KIF26B: variants seen among roughly 807,000 people sequenced by gnomAD.
The protein encoded by KIF26B is kinesin-like protein KIF26B.
A neutral mutation model predicts 151.2 loss-of-function variants in KIF26B; 63 were observed. The observed-to-expected ratio is 0.42, with a 90% CI of 0.34 to 0.51. The LOEUF (loss-of-function observed/expected upper bound fraction) is 0.51, where lower values mean the gene tolerates loss of function less well. Among genes scored for constraint, KIF26B ranks in the 20% least tolerant of loss-of-function variants. The pLI, the probability that KIF26B is intolerant of heterozygous loss-of-function variation, is 0.07. For synonymous variants in KIF26B, 1,357 were observed against 1,262.1 expected (o/e 1.08, Z -1.59); for missense variants, 2,813 against 2,913.6 (o/e 0.97, Z 0.79).
chr1:245,605,799 G>T (rs150621280), intron 6 of KIF26B, among the ~76,000 whole-genome samples: 1 of 152,268 alleles, frequency 6.6e-6, no homozygotes, highest in African/African-American at 2.4e-5. Flanking sequence ...GGAGAGCCGG[G>T]TGGGAACTGT....
chr1:245,175,047 C>T (rs568378488), intron 2 of KIF26B, among the ~76,000 whole-genome samples: 2 of 152,256 alleles, frequency 1.3e-5, no homozygotes, highest in African/African-American at 4.8e-5. Context: ...GGAGTTTCTC[C>T]TGGGGGCCCA....
At chr1:245,630,602 G>C (rs1030068213) in intron 9 of KIF26B, among the ~76,000 whole-genome samples, 10 of 152,174 alleles carry the variant, frequency 6.6e-5, no homozygotes, top group African/African-American at 2.4e-4. Context: ...GGAAAGGGGA[G>C]TGAGAGCATT....
chr1:245,184,445 C>T (rs965031097), intron 2 of KIF26B, among the ~76,000 whole-genome samples: 3 of 152,006 alleles, frequency 2.0e-5, no homozygotes, highest in African/African-American at 4.8e-5. Context: ...TACACATGTG[C>T]GTCGTCATCT....
chr1:245,402,392 G>A (rs1252047935), intron 3 of KIF26B, among the ~76,000 whole-genome samples: 1 of 152,180 alleles, frequency 6.6e-6, no homozygotes, highest in African/African-American at 2.4e-5. Flanking sequence ...CAGAGCCCAC[G>A]CCTCTCATTC....
chr1:245,190,072 A>G (rs1467449817), intron 2 of KIF26B, among the ~76,000 whole-genome samples: 2 of 66,338 alleles, frequency 3.0e-5, no homozygotes, highest in African/African-American at 9.0e-5. Context: ...GCTACAATTC[A>G]AGATGAAATT....
At chr1:245,343,660 C>T (rs429496) in intron 2 of KIF26B, among the ~76,000 whole-genome samples, 1 of 152,064 alleles carries the variant, frequency 6.6e-6, no homozygotes, top group Non-Finnish European at 1.5e-5. Context: ...GCCGCAAAAC[C>T]CAGTGTATTA....
rs1168173737 is a variant in KIF26B at position 245,661,616 on chromosome 1, T to TAC, written c.2258+15345_2258+15346dup. ...ATATATACACCCAATGATATATATA[T>TAC]ACACACACACCCAATATATATATAC... On this transcript the variant is annotated intron_variant, in intron 10 of 14. Transcript: ENST00000407071. Among the ~76,000 whole-genome samples, 4 of 150,610 alleles carry TAC rather than the reference T, an allele frequency of 2.7e-5. No homozygotes were observed. In the East Asian group the frequency reaches 5.9e-4, roughly 22 times the overall value.
At chr1:245,446,836 A>G (rs1161978119) in intron 4 of KIF26B, among the ~76,000 whole-genome samples, 2 of 152,168 alleles carry the variant, frequency 1.3e-5, no homozygotes, top group Non-Finnish European at 2.9e-5. Flanking sequence ...CATTATATAG[A>G]GAAGCAAATC....
chr1:245,178,959 A>G (rs1007937196), intron 2 of KIF26B, among the ~76,000 whole-genome samples: 1 of 106,750 alleles, frequency 9.4e-6, no homozygotes, highest in African/African-American at 3.9e-5. Flanking sequence ...TACTTGGAAC[A>G]ATTCTTAACC....
chr1:245,366,712 C>A, intron 2 of KIF26B, 122 bp from the exon 3 acceptor site: 1 of 869,326 alleles, frequency 1.2e-6, no homozygotes, highest in Non-Finnish European at 1.8e-6. Context: ...CTGTGGAATG[C>A]CAATCAAACT....
At chr1:245,202,425 A>G (rs1669315897) in intron 2 of KIF26B, among the ~76,000 whole-genome samples, 1 of 152,118 alleles carries the variant, frequency 6.6e-6, no homozygotes, top group Non-Finnish European at 1.5e-5. Context: ...CTTGGAAAAC[A>G]TTACTTCATT....
chr1:245,362,690 G>A (rs1672852507), intron 2 of KIF26B, among the ~76,000 whole-genome samples: 1 of 152,138 alleles, frequency 6.6e-6, no homozygotes, highest in African/African-American at 2.4e-5. Context: ...TTTGAAATTA[G>A]TGAGGGGACC....
chr1:245,619,603 C>CAAAAAAA lies in KIF26B; in HGVS notation c.2098+7640_2098+7646dup, dbSNP rs34022501. ...CCTGGGCAATAGAGGGAAACTGTTT[C>CAAAAAAA]AAAAAAAAAAAAAAAAAAAGAATCT... On this transcript the variant is annotated intron_variant, in intron 9 of 14. Transcript: ENST00000407071. Among the ~76,000 whole-genome samples the CAAAAAAA allele has an allele frequency of 4.4e-3, 492 of 110,700 alleles. 4 individuals carry two copies. The highest frequency in any genetic ancestry group is 0.017 in the African/African-American group (462 of 27,934). 72.6% of individuals were successfully genotyped at this position (110,700 alleles called of 152,430 possible). A position where few individuals can be genotyped will look rare whatever the true frequency, so the allele number is the denominator to read the frequency against.
At chr1:245,356,839 A>C (rs761502716) in intron 2 of KIF26B, among the ~76,000 whole-genome samples, 12 of 152,328 alleles carry the variant, frequency 7.9e-5, no homozygotes, top group Non-Finnish European at 1.6e-4. Context: ...AAAGCAGAGA[A>C]AGGTGGTTAG....
chr1:245,312,274 G>A (rs962622726), intron 2 of KIF26B, among the ~76,000 whole-genome samples: 6 of 152,172 alleles, frequency 3.9e-5, no homozygotes, highest in African/African-American at 1.2e-4. Context: ...CTGATGGCCC[G>A]TGTCAGCTTG....
chr1:245,430,602 G>A lies in KIF26B; in HGVS notation c.1166+10857G>A, dbSNP rs913752018. Among the ~76,000 whole-genome samples, 12 of 152,286 alleles carry A rather than the reference G, an allele frequency of 7.9e-5. No homozygotes were observed. In the South Asian group the frequency reaches 8.3e-4, roughly 11 times the overall value. ...GGATCGCTTGAGCCCGGGAGGTTGAGGCTGCAGTGAGCTACGATCTCACCA... is the reference window on the plus strand; with the variant it reads ...GGATCGCTTGAGCCCGGGAGGTTGAAGCTGCAGTGAGCTACGATCTCACCA... On this transcript the variant is annotated intron_variant, in intron 4 of 14. Coordinates refer to ENST00000407071, the MANE Select transcript of KIF26B (RefSeq NM_018012.4).
intron 2 of KIF26B, among the ~76,000 whole-genome samples, chr1:245,200,991 C>T (rs1319573398): frequency 6.6e-6 from 1 of 152,204 alleles, no homozygotes; most frequent in African/African-American, 2.4e-5. Flanking sequence ...ATTAAGCCCA[C>T]ACCCTGTGCC....
chr1:245,298,102 G>T (rs916023703), intron 2 of KIF26B, among the ~76,000 whole-genome samples: 24 of 152,116 alleles, frequency 1.6e-4, no homozygotes, highest in Admixed American at 1.3e-3. Flanking sequence ...GGCCAGGCTG[G>T]TCTCAAACTC....
chr1:245,533,787 A>C (rs969842457), intron 4 of KIF26B, among the ~76,000 whole-genome samples: 2 of 150,502 alleles, frequency 1.3e-5, no homozygotes, highest in Admixed American at 1.3e-4. Context: ...TCTATTATAC[A>C]ATTACAAAAA....
Sources: gnomAD v4.1 joint callset for allele counts (sites outside exome capture counted in the v4.1 genomes callset) on GRCh38, gnomAD v4.1.1 for gene constraint, MANE v1.5 for transcripts, NCBI Gene and HGNC (gene_info 2026-07-23, HGNC 2026-07-21) for gene names.